IBTK: variants seen among roughly 807,000 people sequenced by gnomAD.
IBTK encodes the protein inhibitor of Bruton tyrosine kinase.
Under a neutral mutation model 154.9 loss-of-function variants are expected in IBTK, and 83 were observed. The observed-to-expected ratio is 0.54, with a 90% CI of 0.45 to 0.64. The LOEUF (loss-of-function observed/expected upper bound fraction) is 0.64, where lower values mean the gene tolerates loss of function less well. IBTK is among the 30% of genes least tolerant of loss of function. IBTK has a pLI of 0.00. For synonymous variants in IBTK, 515 were observed against 536.1 expected, an observed-to-expected ratio of 0.96 and a Z score of 0.54; for missense variants, 1,332 against 1,584.6, an observed-to-expected ratio of 0.84 and a Z score of 2.71.
Position 82,240,385 on chromosome 6 carries a change from CT to C in IBTK, c.101del (p.Lys34ArgfsTer35). On this transcript the variant is annotated frameshift_variant, in exon 2 of 29. Coordinates refer to ENST00000306270, the MANE Select transcript of IBTK (RefSeq NM_015525.4). LOFTEE classifies it high-confidence loss of function. Reference sequence around the variant, plus strand: ...TGTAACAATGACTGGAGAGAAAGGCCTTAATCTGGTTTTCGCTCCCCTTTGT... The same window carrying C: ...TGTAACAATGACTGGAGAGAAAGGCCTAATCTGGTTTTCGCTCCCCTTTGT... ...VVTKGSENQI[K>X]AFLSSHCYNA... The C allele has an allele frequency of 6.2e-7, 1 of 1,614,162 alleles. No homozygotes were observed. Among genetic ancestry groups the C allele is most frequent in the Non-Finnish European group, 8.5e-7 (1 of 1,180,034 alleles).
intron 28 of IBTK, among the ~76,000 whole-genome samples, chr6:82,172,086 G>A (rs1767942303): frequency 1.3e-5 from 2 of 152,092 alleles, no homozygotes; most frequent in African/African-American, 2.4e-5. Context: ...TGCAGCACTA[G>A]AGAATACTGC....
rs748607949 is a variant in IBTK, at chr6:82,200,183, C to G, written c.2983G>C (p.Gly995Arg). Residue 995 changes from glycine (G) to arginine (R), a missense_variant, in exon 21 of 29, where the codon GGT becomes CGT. By Grantham distance (125) the Gly-to-Arg change is moderately radical. Coordinates refer to ENST00000306270, the MANE Select transcript of IBTK (RefSeq NM_015525.4). ...KPRKRSDSSG[G>R]YNLSDIIQSP... ...TGAATAATATCTGAAAGGTTATAACCTCCAGAACTATCTGAACGTTTACGT... is the reference window on the plus strand; with the variant it reads ...TGAATAATATCTGAAAGGTTATAACGTCCAGAACTATCTGAACGTTTACGT... The G allele has an allele frequency of 4.3e-6, 7 of 1,613,544 alleles. No individual in the cohort carries two copies. Among genetic ancestry groups the G allele is most frequent in the Non-Finnish European group, 5.9e-6 (7 of 1,179,696 alleles).
chr6:82,201,828 T>C (rs1166834936), intron 18 of IBTK, among the ~76,000 whole-genome samples: 2 of 152,026 alleles, frequency 1.3e-5, no homozygotes, highest in African/African-American at 2.4e-5. Context: ...GTTCAAGTGA[T>C]TCTCCTGCTT....
At chr6:82,185,283 AG>A (rs1017224691) in intron 25 of IBTK, among the ~76,000 whole-genome samples, 5 of 151,722 alleles carry the variant, frequency 3.3e-5, no homozygotes. Context: ...AACTTCAGCC[AG>A]GAACAGTGGC....
chr6:82,204,488 A>G lies in IBTK; in HGVS notation c.2611+369T>C, dbSNP rs536326553. 3.9e-5 allele frequency among the ~76,000 whole-genome samples: 6 copies of G among 152,260 alleles called. No individual in the cohort carries two copies. The South Asian group carries it at 1.2e-3, about 32-fold the overall frequency. ...AAAGTTAAATTTTTAAAATCACTGCAAATAGTAGAAAATGGGTAGCTAAAA... is the reference window on the plus strand; with the variant it reads ...AAAGTTAAATTTTTAAAATCACTGCGAATAGTAGAAAATGGGTAGCTAAAA... On this transcript the variant is annotated intron_variant, in intron 17 of 28. Transcript: ENST00000306270.
chr6:82,246,064 G>A (rs919020782), intron 1 of IBTK, among the ~76,000 whole-genome samples: 1 of 152,130 alleles, frequency 6.6e-6, no homozygotes, highest in Non-Finnish European at 1.5e-5. Context: ...GGAGATTCAT[G>A]TGAAAGTTTA....
At chr6:82,176,064 A>C (rs1007499328) in intron 26 of IBTK, among the ~76,000 whole-genome samples, 1 of 152,138 alleles carries the variant, frequency 6.6e-6, no homozygotes, top group African/African-American at 2.4e-5. Flanking sequence ...AAACCAAAAA[A>C]CATTAATATT....
At chr6:82,201,565 T>C in intron 18 of IBTK, 83 bp from the exon 19 acceptor site, 1 of 857,228 alleles carries the variant, frequency 1.2e-6, no homozygotes, top group Middle Eastern at 2.4e-4. Context: ...AGATATTTCA[T>C]ATTGCTAGAT....
Position 82,184,048 on chromosome 6 carries a change from T to C in IBTK, c.3576-2020A>G, listed in dbSNP as rs544633818. On this transcript the variant is annotated intron_variant, in intron 25 of 28. Transcript: ENST00000306270. ...AAATTACCCAGTCTGTGGGACTCTG[T>C]TACAGCAGCACAAAATGAACTAAGA... is the stretch of plus-strand genomic sequence containing the variant. Among the ~76,000 whole-genome samples the C allele has an allele frequency of 2.0e-5, 3 of 152,356 alleles. No individual in the cohort carries two copies. In the South Asian group the frequency reaches 6.2e-4, roughly 32 times the overall value.
chr6:82,242,136 G>A lies in IBTK; in HGVS notation c.-357-1293C>T, dbSNP rs1048068423. On this transcript the variant is annotated intron_variant, in intron 1 of 28. Coordinates refer to ENST00000306270, the MANE Select transcript of IBTK (RefSeq NM_015525.4). ...TGTAATCCCAGCACTTTGGGAGGCC[G>A]AGGCGGGCAGATCACCTGAGGTTGG... Among the ~76,000 whole-genome samples the A allele has an allele frequency of 2.6e-5, 4 of 152,268 alleles. No individual in the cohort carries two copies. In the South Asian group the frequency reaches 6.2e-4, roughly 24 times the overall value.
At chr6:82,224,285 G>A in intron 6 of IBTK, 100 bp from the exon 7 acceptor site, 1 of 815,684 alleles carries the variant, frequency 1.2e-6, no homozygotes, top group Non-Finnish European at 2.1e-6. Context: ...TATACTTGCT[G>A]TTAGTGGTCC....
intron 3 of IBTK, among the ~76,000 whole-genome samples, chr6:82,233,145 G>A (rs947244191): frequency 5.7e-5 from 7 of 122,268 alleles, no homozygotes; most frequent in South Asian, 2.7e-4. Flanking sequence ...CAACAAGAGC[G>A]AAACTGTCTC....
Position 82,223,440 on chromosome 6 carries a change from T to C in IBTK, c.1124A>G (p.Lys375Arg), listed in dbSNP as rs769411270. The change falls in exon 8 of 29, where the codon AAA becomes AGA. Residue 375 changes from lysine to arginine, a missense_variant and splice_region_variant. Physicochemically the swap from Lys to Arg is conservative, Grantham distance 26 (BLOSUM62 2). Around this residue, in one of 3 missense-constraint regions of IBTK, gnomAD observed 1,134 missense variants for 1,274.7 expected, o/e 0.89. Transcript: ENST00000306270. The part of the protein sequence containing the change: ...ADYQCKKMAS[K>R]QLNLKKVLVS... ...GTTTCTTTCACAGAAATACACATACTTAGAAGCCATCTTCTTGCACTGATA... is the reference window on the plus strand; with the variant it reads ...GTTTCTTTCACAGAAATACACATACCTAGAAGCCATCTTCTTGCACTGATA... 1.2e-6 allele frequency: 2 copies of C among 1,608,928 alleles called. No individual in the cohort carries two copies. Among genetic ancestry groups the C allele is most frequent in the East Asian group, 2.2e-5 (1 of 44,788 alleles).
At chr6:82,180,370 G>C (rs570727561) in intron 26 of IBTK, among the ~76,000 whole-genome samples, 4 of 152,066 alleles carry the variant, frequency 2.6e-5, no homozygotes, top group African/African-American at 7.2e-5. Context: ...CCAGCCTCCT[G>C]AATAGCTGGG....
chr6:82,202,632 A>G lies in IBTK; in HGVS notation c.2625T>C (p.Asn875=). ...VALTEKLTLK[N]AAMLLEFAAM... is the part of the protein sequence containing the mutation. ...CTGCAAATTCCAGTAGCATAGCAGC[A>G]TTCTTCAGGGTAACTACAAAGAAAG... The change falls in exon 18 of 29, where the codon AAT becomes AAC. Residue 875 remains asparagine, a synonymous_variant. Transcript: ENST00000306270. 3.1e-6 allele frequency: 5 copies of G among 1,591,014 alleles called. No homozygotes were observed. The highest frequency in any genetic ancestry group is 2.3e-5 in the South Asian group (2 of 87,308).
Position 82,231,801 on chromosome 6 carries a change from T to C in IBTK, c.460A>G (p.Thr154Ala). 6.2e-7 allele frequency: 1 copy of C among 1,603,378 alleles called. No homozygotes were observed. Among genetic ancestry groups the C allele is most frequent in the Non-Finnish European group, 8.5e-7 (1 of 1,172,090 alleles). ...CTATTCTGGCTTCCATGACCCAGGG[T>C]AAAATTTGTATTATCGCCCCAAGTA... The part of the protein sequence containing the change: ...VYTWGDNTNF[T>A]LGHGSQNSKH... Residue 154 changes from threonine to alanine, a missense_variant, in exon 4 of 29, where the codon ACC becomes GCC. By Grantham distance (58) the Thr-to-Ala change is moderately conservative (BLOSUM62 0). Coordinates refer to ENST00000306270, the MANE Select transcript of IBTK (RefSeq NM_015525.4).
intron 16 of IBTK, among the ~76,000 whole-genome samples, chr6:82,209,405 T>G (rs1444955795): frequency 6.6e-6 from 1 of 152,218 alleles, no homozygotes; most frequent in Admixed American, 6.5e-5. Flanking sequence ...TGTTGGTACC[T>G]GCTACAACAC....
intron 9 of IBTK, among the ~76,000 whole-genome samples, chr6:82,219,461 TATCTGTGTTC>T (rs1176463714): frequency 6.6e-6 from 1 of 152,166 alleles, no homozygotes; most frequent in Admixed American, 6.5e-5. Flanking sequence ...ACCAGAAAGT[TATCTGTGTTC>T]TTCTACCCAT....
chr6:82,247,148 A>C (rs1221468485), intron 1 of IBTK, among the ~76,000 whole-genome samples: 1 of 152,218 alleles, frequency 6.6e-6, no homozygotes, highest in Non-Finnish European at 1.5e-5. Context: ...CCCCAGAGTC[A>C]GTATCCCCAG....
Sources: gnomAD v4.1 joint callset for allele counts (sites outside exome capture counted in the v4.1 genomes callset) on GRCh38, gnomAD v4.1.1 for gene constraint, gnomAD v4.1.1 regional missense constraint, MANE v1.5 for transcripts, NCBI Gene and HGNC (gene_info 2026-07-23, HGNC 2026-07-21) for gene names.